Variants in CELF2 observed in about 807,000 individuals in gnomAD.
CELF2 encodes CUGBP Elav-like family member 2.
CELF2 carries 8 observed loss-of-function variants against 62.6 expected under a neutral mutation model. The observed-to-expected ratio is 0.13, with a 90% CI of 0.07 to 0.23. CELF2 has a LOEUF of 0.23. Ranked by LOEUF, CELF2 falls within the 10% of genes least tolerant of loss-of-function variation. CELF2 has a pLI of 1.00. For missense variants in CELF2, 333 were observed against 671.0 expected (o/e 0.50, Z 5.56); for synonymous variants, 258 against 250.0 (o/e 1.03, Z -0.30).
intron 2 of CELF2, among the ~76,000 whole-genome samples, chr10:11,198,069 G>A (rs547440298): frequency 7.9e-5 from 12 of 152,270 alleles, no homozygotes; most frequent in Non-Finnish European, 1.8e-4. Flanking sequence ...GCTGATTTGT[G>A]GTTCCACGGC....
the CELF2 span, among the ~76,000 whole-genome samples, chr10:10,670,736 G>T: frequency 3.3e-5 from 5 of 152,268 alleles, no homozygotes; most frequent in South Asian, 1.0e-3. Flanking sequence ...TCTGTGATCT[G>T]CCTATTCATC....
chr10:11,097,231 A>C (rs370169769), intron 1 of CELF2: 16 of 152,372 alleles, frequency 1.1e-4, no homozygotes, highest in Non-Finnish European at 1.9e-4. Flanking sequence ...GTAGTAAAAA[A>C]TTAAGATAAC....
intron 1 of CELF2, among the ~76,000 whole-genome samples, chr10:11,124,827 T>C (rs2058395172): frequency 1.3e-5 from 2 of 152,236 alleles, no homozygotes; most frequent in African/African-American, 4.8e-5. Context: ...TCTGATACTT[T>C]CTATGGCTTA....
At chr10:11,023,539 T>G (rs147832173) in intron 1 of CELF2, among the ~76,000 whole-genome samples, 1 of 152,358 alleles carries the variant, frequency 6.6e-6, no homozygotes, top group African/African-American at 2.4e-5. Context: ...TGAATCCAGA[T>G]GTGAAGGGAT....
At chr10:10,582,035 A>T in the CELF2 span, among the ~76,000 whole-genome samples, 3 of 152,066 alleles carry the variant, frequency 2.0e-5, no homozygotes, top group Admixed American at 1.3e-4. Flanking sequence ...CTAAAAAAAA[A>T]GGGTGGGGGG....
chr10:11,225,086 A>T (rs1229139538), intron 3 of CELF2, among the ~76,000 whole-genome samples: 1 of 152,140 alleles, frequency 6.6e-6, no homozygotes, highest in Non-Finnish European at 1.5e-5. Flanking sequence ...TCTCATTAGT[A>T]GTATGACATA....
the CELF2 span, among the ~76,000 whole-genome samples, chr10:10,494,000 G>T: frequency 6.6e-6 from 1 of 152,152 alleles, no homozygotes; most frequent in Admixed American, 6.5e-5. Context: ...TGACCTCATG[G>T]TTCTTTGTTC....
At chr10:11,183,154 T>A (rs1347123804) in intron 2 of CELF2, among the ~76,000 whole-genome samples, 1 of 152,212 alleles carries the variant, frequency 6.6e-6, no homozygotes, top group Non-Finnish European at 1.5e-5. Flanking sequence ...CATGCCTCAA[T>A]TACTGACCTA....
the CELF2 span, among the ~76,000 whole-genome samples, chr10:10,585,865 C>T: frequency 0.032 from 4,805 of 152,234 alleles, 158 homozygotes; most frequent in East Asian, 0.096. Context: ...AAAAATTTAG[C>T]ATGACTGTTT....
At chr10:11,152,414 A>T (rs1459244146) in intron 1 of CELF2, among the ~76,000 whole-genome samples, 1 of 138,906 alleles carries the variant, frequency 7.2e-6, no homozygotes, top group African/African-American at 2.9e-5. Flanking sequence ...GTTGTTAAAT[A>T]AAAAAAAAAA....
the CELF2 span, among the ~76,000 whole-genome samples, chr10:10,502,515 A>C: frequency 6.6e-6 from 1 of 151,970 alleles, no homozygotes; most frequent in African/African-American, 2.4e-5. Context: ...TTTTTGAGGA[A>C]GTGATTCATT....
intron 1 of CELF2, among the ~76,000 whole-genome samples, chr10:11,099,899 AAAACAG>A (rs2051020156): frequency 7.0e-6 from 1 of 143,254 alleles, no homozygotes; most frequent in African/African-American, 2.7e-5. Flanking sequence ...AAAAAAAAAA[AAAACAG>A]AAAAAACAGC....
intron 1 of CELF2, among the ~76,000 whole-genome samples, chr10:10,848,499 G>A (rs1396646254): frequency 2.0e-5 from 3 of 152,158 alleles, no homozygotes; most frequent in Non-Finnish European, 1.5e-5. Context: ...ATGGGTTTAC[G>A]TTTATGAATG....
intron 1 of CELF2, among the ~76,000 whole-genome samples, chr10:11,136,526 C>G (rs139814581): frequency 0.012 from 1,792 of 152,274 alleles, 31 homozygotes; most frequent in African/African-American, 0.041. Flanking sequence ...ATTACTTTAA[C>G]CTGGGAGGCG....
chr10:10,481,922 C>T, the CELF2 span, among the ~76,000 whole-genome samples: 23 of 152,232 alleles, frequency 1.5e-4, no homozygotes, highest in South Asian at 1.2e-3. Context: ...TGTAGAAGGT[C>T]CAATTTAGGC....
In CELF2 at chr10:11,334,639, G is replaced by A. The variant is rs904312221; in HGVS notation, c.*5586G>A. On this transcript the variant is annotated 3_prime_UTR_variant, in exon 13 of 13. Coordinates refer to ENST00000633077, the MANE Select transcript of CELF2 (RefSeq NM_001326342.2). ...TGCCTTTGGGGTTGGATTTGCCAAGGTGTTTTACGGTCTTTTGACCACACA... is the reference window on the plus strand; with the variant it reads ...TGCCTTTGGGGTTGGATTTGCCAAGATGTTTTACGGTCTTTTGACCACACA... 3 of 152,176 alleles carry A rather than the reference G, an allele frequency of 2.0e-5. No homozygotes were observed. The highest frequency in any genetic ancestry group is 2.0e-4 in the Admixed American group (3 of 15,264). 9.4% of individuals were successfully genotyped at this position (152,176 alleles called of 1,614,324 possible).
At chr10:10,843,373 A>G (rs985321633) in intron 1 of CELF2, among the ~76,000 whole-genome samples, 2 of 151,954 alleles carry the variant, frequency 1.3e-5, no homozygotes, top group African/African-American at 4.8e-5. Flanking sequence ...GTTTAATTTC[A>G]TAACCTAGAA....
At chr10:10,923,959 G>C (rs911207226) in intron 2 of CELF2, 1 of 152,020 alleles carries the variant, frequency 6.6e-6, no homozygotes, top group African/African-American at 2.4e-5. Context: ...TTCAAGATCT[G>C]GTTTTTAGGA....
At chr10:10,689,051 T>A in the CELF2 span, among the ~76,000 whole-genome samples, 2,677 of 152,150 alleles carry the variant, frequency 0.018, 40 homozygotes, top group African/African-American at 0.043. Flanking sequence ...GAAGAAAAAA[T>A]ATGGTATCAT....
Sources: gnomAD v4.1 joint callset for allele counts (sites outside exome capture counted in the v4.1 genomes callset) on GRCh38, gnomAD v4.1.1 for gene constraint, MANE v1.5 for transcripts, NCBI Gene and HGNC (gene_info 2026-07-23, HGNC 2026-07-21) for gene names.